Variants in CADM1 observed in about 807,000 individuals in gnomAD.
The protein encoded by CADM1 is cell adhesion molecule 1, also known as TSLC-1.
CADM1 carries 15 observed loss-of-function variants against 53.1 expected under a neutral mutation model. The observed-to-expected ratio is 0.28, with a 90% CI of 0.19 to 0.44. CADM1 has a LOEUF of 0.44. CADM1 is among the 20% of genes least tolerant of loss of function. CADM1 has a pLI of 1.00. For synonymous variants in CADM1, 281 were observed against 243.0 expected, an observed-to-expected ratio of 1.16 and a Z score of -1.45; for missense variants, 434 against 611.3, an observed-to-expected ratio of 0.71 and a Z score of 3.06.
In CADM1 at chr11:115,184,954, T is replaced by C. The variant is rs187635888; in HGVS notation, c.1165+5934A>G. Among the ~76,000 whole-genome samples the C allele has an allele frequency of 1.1e-4, 16 of 152,352 alleles. No homozygotes were observed. In the East Asian group the frequency reaches 3.1e-3, roughly 29 times the overall value. ...ACGAGCTAGGAGCTCATCTCCTGCATGGTCCATTGGAAAGAGCACTGGACT... is the reference window on the plus strand; with the variant it reads ...ACGAGCTAGGAGCTCATCTCCTGCACGGTCCATTGGAAAGAGCACTGGACT... On this transcript the variant is annotated intron_variant, in intron 10 of 11. Coordinates refer to ENST00000331581, the MANE Select transcript of CADM1 (RefSeq NM_001301043.2).
intron 1 of CADM1, among the ~76,000 whole-genome samples, chr11:115,320,427 C>A (rs1944793100): frequency 6.6e-6 from 1 of 152,036 alleles, no homozygotes; most frequent in Non-Finnish European, 1.5e-5. Context: ...AATGATTTTG[C>A]AGTAAAGCAT....
In CADM1 at chr11:115,373,744, GGT is replaced by G. The variant is rs540809674; in HGVS notation, c.124+130525_124+130526del. 4.0e-3 allele frequency among the ~76,000 whole-genome samples: 603 copies of G among 152,114 alleles called. 3 individuals carry two copies. Among genetic ancestry groups the G allele is most frequent in the African/African-American group, 0.014 (572 of 41,488 alleles). On this transcript the variant is annotated intron_variant, in intron 1 of 11. Transcript: ENST00000331581. ...AATAGATCAGTGGTTCTCATCCTTG[GGT>G]GAGTATCAGAATCACCTGTGGAAAT...
chr11:115,237,236 CTTACT>C (rs1316210591), intron 3 of CADM1, among the ~76,000 whole-genome samples: 2 of 152,160 alleles, frequency 1.3e-5, no homozygotes, highest in Non-Finnish European at 2.9e-5. Context: ...ACCTCCCATG[CTTACT>C]ATTTCTACAG....
At chr11:115,274,613 C>T (rs1943393340) in intron 1 of CADM1, among the ~76,000 whole-genome samples, 1 of 152,184 alleles carries the variant, frequency 6.6e-6, no homozygotes, top group African/African-American at 2.4e-5. Context: ...ACAACAGCAA[C>T]AACGAAAACT....
At chr11:115,463,397 T>G (rs576331339) in intron 1 of CADM1, among the ~76,000 whole-genome samples, 12 of 152,232 alleles carry the variant, frequency 7.9e-5, no homozygotes, top group Admixed American at 2.0e-4. Context: ...TTAAATAATT[T>G]CTTAGGTGCC....
rs11417765 is a variant in CADM1, at chr11:115,173,689, CT to C, written c.*2784del. On this transcript the variant is annotated 3_prime_UTR_variant, in exon 12 of 12. Transcript: ENST00000331581. ...ATATTTTATAGTACTTCTTTTTTTT[CT>C]TTTTTTTTTTGTAAAAATGGTATAC... is the stretch of plus-strand genomic sequence containing the variant. 7.1e-3 allele frequency: 3,284 copies of C among 464,528 alleles called. No homozygotes were observed. The highest frequency in any genetic ancestry group is 8.2e-3 in the Non-Finnish European group (2,918 of 357,710). 28.8% of individuals were successfully genotyped at this position (464,528 alleles called of 1,614,324 possible).
chr11:115,193,546 C>T (rs904156382), intron 9 of CADM1, among the ~76,000 whole-genome samples: 1 of 152,108 alleles, frequency 6.6e-6, no homozygotes, highest in African/African-American at 2.4e-5. Context: ...TCTTCCTTTT[C>T]AACAGTAATT....
Position 115,277,498 on chromosome 11 carries a change from C to T in CADM1, c.125-37078G>A, listed in dbSNP as rs375121279. 1.7e-4 allele frequency among the ~76,000 whole-genome samples: 26 copies of T among 152,254 alleles called. No individual in the cohort carries two copies. The East Asian group carries it at 5.0e-3, about 29-fold the overall frequency. ...TAGTAGAAATGCTAGTTATAAATCC[C>T]TTCATCGAATTCAGAGATTAAAACA... On this transcript the variant is annotated intron_variant, in intron 1 of 11. Transcript: ENST00000331581.
At chr11:115,340,641 TATATATATA>T (rs1945408201) in intron 1 of CADM1, among the ~76,000 whole-genome samples, 1 of 30,832 alleles carries the variant, frequency 3.2e-5, no homozygotes, top group Non-Finnish European at 7.4e-5. Flanking sequence ...TATATATATA[TATATATATA>T]TATATATATT....
intron 5 of CADM1, among the ~76,000 whole-genome samples, chr11:115,228,022 C>T (rs1226663576): frequency 1.3e-5 from 2 of 152,186 alleles, no homozygotes; most frequent in Non-Finnish European, 2.9e-5. Context: ...GCCCTACATC[C>T]AATGACAAGT....
intron 1 of CADM1, among the ~76,000 whole-genome samples, chr11:115,307,074 A>C (rs1450996866): frequency 6.6e-6 from 1 of 151,954 alleles, no homozygotes; most frequent in East Asian, 1.9e-4. Context: ...TAGTTACAGT[A>C]TTTCAGGCCA....
At chr11:115,258,078 C>G (rs1476445870) in intron 1 of CADM1, among the ~76,000 whole-genome samples, 2 of 152,224 alleles carry the variant, frequency 1.3e-5, no homozygotes, top group Non-Finnish European at 2.9e-5. Flanking sequence ...GGCTCTTCCA[C>G]AGACTAACCG....
In CADM1 at chr11:115,189,603, T is replaced by A. The variant is rs537954227; in HGVS notation, c.1165+1285A>T. ...TTATTTTAAAATAAAACTAGGTAAA[T>A]GTTTTTGCAACTTCTCCAACTACAC... On this transcript the variant is annotated intron_variant, in intron 10 of 11. Transcript: ENST00000331581. Among the ~76,000 whole-genome samples the A allele has an allele frequency of 1.4e-4, 22 of 152,304 alleles. No individual in the cohort carries two copies. In the South Asian group the frequency reaches 1.7e-3, roughly 11 times the overall value.
intron 1 of CADM1, among the ~76,000 whole-genome samples, chr11:115,433,111 G>A (rs1457253539): frequency 6.6e-6 from 1 of 152,072 alleles, no homozygotes; most frequent in Non-Finnish European, 1.5e-5. Context: ...TGGTGGTGGG[G>A]GAAGACACAG....
In CADM1 at chr11:115,407,873, T is replaced by TAAAA. The variant is rs148209064; in HGVS notation, c.124+96394_124+96397dup. ...AGAAGGAAAGTAAGACCCTGTCATT[T>TAAAA]AAAAAAAAAAAAAAAAAAAAAAAAA... On this transcript the variant is annotated intron_variant, in intron 1 of 11. Transcript: ENST00000331581. Among the ~76,000 whole-genome samples, 113 of 31,738 alleles carry TAAAA rather than the reference T, an allele frequency of 3.6e-3. 10 individuals are homozygous for TAAAA. The highest frequency in any genetic ancestry group is 5.0e-3 in the Admixed American group (7 of 1,414). 20.8% of individuals were successfully genotyped at this position (31,738 alleles called of 152,430 possible). A position where few individuals can be genotyped will look rare whatever the true frequency, so the allele number is the denominator to read the frequency against.
chr11:115,373,583 C>CAAAAA (rs35059216), intron 1 of CADM1, among the ~76,000 whole-genome samples: 21 of 48,804 alleles, frequency 4.3e-4, no homozygotes, highest in Non-Finnish European at 6.1e-4. Context: ...GACTCTGTCT[C>CAAAAA]AAAAAAAAAA....
chr11:115,176,916 T>C (rs1343316534), intron 11 of CADM1, among the ~76,000 whole-genome samples: 1 of 152,202 alleles, frequency 6.6e-6, no homozygotes. Context: ...GACTAACGTA[T>C]AAACAGTAAA....
In CADM1 at chr11:115,490,191, G is replaced by A. The variant is rs1431637374; in HGVS notation, c.124+14080C>T. 2.0e-5 allele frequency among the ~76,000 whole-genome samples: 3 copies of A among 152,060 alleles called. No homozygotes were observed. In the East Asian group the frequency reaches 5.8e-4, roughly 29 times the overall value. On this transcript the variant is annotated intron_variant, in intron 1 of 11. Coordinates refer to ENST00000331581, the MANE Select transcript of CADM1 (RefSeq NM_001301043.2). The stretch of plus-strand genomic sequence containing the variant: ...GCTAGCAGTAAATGAAACAATTAAG[G>A]GGCTGTTATACCATTGTAAGTCTAC...
At chr11:115,322,260 C>T (rs1944842737) in intron 1 of CADM1, among the ~76,000 whole-genome samples, 1 of 152,156 alleles carries the variant, frequency 6.6e-6, no homozygotes, top group South Asian at 2.1e-4. Context: ...ATTCTTCAAC[C>T]ATTTATCAAA....
Sources: gnomAD v4.1 joint callset for allele counts (sites outside exome capture counted in the v4.1 genomes callset) on GRCh38, gnomAD v4.1.1 for gene constraint, MANE v1.5 for transcripts, NCBI Gene and HGNC (gene_info 2026-07-23, HGNC 2026-07-21) for gene names.